Variants in PBX3 observed in about 807,000 individuals in gnomAD.
PBX3 encodes pre-B-cell leukemia transcription factor 3.
Under a neutral mutation model 48.5 loss-of-function variants are expected in PBX3, and 14 were observed. The ratio of observed to expected loss-of-function variants is 0.29; its 90% CI spans 0.19 to 0.45. PBX3 has a LOEUF of 0.45. Among genes scored for constraint, PBX3 ranks in the 20% least tolerant of loss-of-function variants. The pLI, the probability that PBX3 is intolerant of heterozygous loss-of-function variation, is 1.00. For missense variants in PBX3, 386 were observed against 546.7 expected (o/e 0.71, Z 2.93); for synonymous variants, 210 against 200.3 (o/e 1.05, Z -0.41).
At chr9:125,927,571 T>G (rs554904044) in intron 3 of PBX3, among the ~76,000 whole-genome samples, 1 of 152,238 alleles carries the variant, frequency 6.6e-6, no homozygotes, top group South Asian at 2.1e-4. Flanking sequence ...TTTTTCTGTC[T>G]TCTCACTCCA....
At chr9:125,814,545 T>C (rs79682080) in intron 2 of PBX3, among the ~76,000 whole-genome samples, 5,623 of 152,264 alleles carry the variant, frequency 0.037, 366 homozygotes, top group African/African-American at 0.13. Flanking sequence ...CATTAACAGA[T>C]AGATGCAATT....
intron 2 of PBX3, among the ~76,000 whole-genome samples, chr9:125,798,977 A>G (rs190963766): frequency 2.6e-5 from 4 of 152,194 alleles, no homozygotes; most frequent in Admixed American, 2.6e-4. Context: ...TTTTACTCTT[A>G]AGGTTTTATT....
chr9:125,777,010 C>CTTTTTT (rs1299800849), intron 2 of PBX3, among the ~76,000 whole-genome samples: 7 of 94,342 alleles, frequency 7.4e-5, no homozygotes, highest in Admixed American at 4.3e-4. Flanking sequence ...TTTTTCTTTT[C>CTTTTTT]TTTTCTTTTT....
At chr9:125,896,888 A>G (rs776827304) in intron 2 of PBX3, among the ~76,000 whole-genome samples, 16 of 152,012 alleles carry the variant, frequency 1.1e-4, no homozygotes, top group Non-Finnish European at 1.6e-4. Flanking sequence ...ATCCCCAGCT[A>G]TAATTAAATT....
chr9:125,827,556 T>G (rs903334652), intron 2 of PBX3, among the ~76,000 whole-genome samples: 1 of 152,198 alleles, frequency 6.6e-6, no homozygotes, highest in African/African-American at 2.4e-5. Flanking sequence ...TATACACATA[T>G]GTAATACCTA....
chr9:125,930,824 A>G (rs1174132096), intron 4 of PBX3, among the ~76,000 whole-genome samples: 1 of 152,122 alleles, frequency 6.6e-6, no homozygotes, highest in Non-Finnish European at 1.5e-5. Context: ...GTCTGTTTCT[A>G]TAACATCACC....
Position 125,834,532 on chromosome 9 carries a change from G to A in PBX3, c.275-81154G>A, listed in dbSNP as rs564213887. 3.0e-3 allele frequency among the ~76,000 whole-genome samples: 456 copies of A among 151,544 alleles called. 3 individuals are homozygous for A. The highest frequency in any genetic ancestry group is 0.011 in the African/African-American group (441 of 41,348). On this transcript the variant is annotated intron_variant, in intron 2 of 8. Transcript: ENST00000373489. ...CCTGCCTCAGCCTCCCGAGCAGCTG[G>A]GATTACAGGCACCACCACTGCGACC... is the stretch of plus-strand genomic sequence containing the variant.
chr9:125,748,697 G>C, intron 2 of PBX3, 74 bp downstream of exon 2: 1 of 1,091,806 alleles, frequency 9.2e-7, no homozygotes. Flanking sequence ...CGACTCTCCA[G>C]TTGAGAGCTG....
chr9:125,912,193 T>TTA (rs1418849126), intron 2 of PBX3, among the ~76,000 whole-genome samples: 13 of 152,318 alleles, frequency 8.5e-5, no homozygotes, highest in African/African-American at 2.6e-4. Flanking sequence ...ATCTGCTTAT[T>TTA]TATAATTCAA....
intron 2 of PBX3, among the ~76,000 whole-genome samples, chr9:125,767,942 T>C (rs1331854553): frequency 6.6e-6 from 1 of 151,828 alleles, no homozygotes; most frequent in African/African-American, 2.4e-5. Context: ...CAGGTGCTAG[T>C]AGGACTAGAG....
chr9:125,927,152 A>G (rs1841595978), intron 3 of PBX3, among the ~76,000 whole-genome samples: 1 of 152,212 alleles, frequency 6.6e-6, no homozygotes, highest in Admixed American at 6.5e-5. Flanking sequence ...AGGGATAATG[A>G]ATTTATGGCT....
chr9:125,882,699 GTT>G (rs1388109475), intron 2 of PBX3, among the ~76,000 whole-genome samples: 1 of 152,228 alleles, frequency 6.6e-6, no homozygotes, highest in Non-Finnish European at 1.5e-5. Context: ...GATGGTAGAA[GTT>G]ATATATTGAG....
intron 2 of PBX3, among the ~76,000 whole-genome samples, chr9:125,897,170 A>G (rs1019830104): frequency 8.0e-6 from 1 of 124,322 alleles, no homozygotes; most frequent in African/African-American, 3.0e-5. Flanking sequence ...TTTCCTGTGC[A>G]AACATGACAT....
chr9:125,791,693 T>G (rs1837615121), intron 2 of PBX3, among the ~76,000 whole-genome samples: 1 of 151,894 alleles, frequency 6.6e-6, no homozygotes, highest in South Asian at 2.1e-4. Context: ...CCCAGCACTT[T>G]GGGAGGCCAA....
intron 2 of PBX3, among the ~76,000 whole-genome samples, chr9:125,890,058 C>T (rs1230172415): frequency 4.6e-5 from 7 of 152,138 alleles, no homozygotes; most frequent in Non-Finnish European, 8.8e-5. Context: ...AAGTCAGAAC[C>T]TCTCCGTGGT....
intron 5 of PBX3, among the ~76,000 whole-genome samples, chr9:125,954,468 A>C (rs116755542): frequency 1.3e-5 from 2 of 152,172 alleles, no homozygotes; most frequent in Non-Finnish European, 2.9e-5. Flanking sequence ...AGAGAAATGA[A>C]CTAGAAATAC....
chr9:125,876,012 T>C lies in PBX3; in HGVS notation c.275-39674T>C, dbSNP rs544467635. 1.3e-3 allele frequency among the ~76,000 whole-genome samples: 202 copies of C among 152,332 alleles called. 1 individual carries two copies. The highest frequency in any genetic ancestry group is 4.6e-3 in the African/African-American group (191 of 41,576). On this transcript the variant is annotated intron_variant, in intron 2 of 8. Transcript: ENST00000373489. ...GTCCTTGTCAGACTGGTCTACTTTC[T>C]TTCCTTAAGGACAATTCATTTCTGC...
intron 2 of PBX3, chr9:125,843,828 C>T (rs768574712): frequency 8.8e-6 from 4 of 455,534 alleles, no homozygotes; most frequent in African/African-American, 2.0e-5. Context: ...GAATTACAAG[C>T]GAAAGTGCAG....
At chr9:125,851,659 G>A (rs1376167133) in intron 2 of PBX3, among the ~76,000 whole-genome samples, 1 of 152,030 alleles carries the variant, frequency 6.6e-6, no homozygotes, top group African/African-American at 2.4e-5. Context: ...TTTCTTTGCA[G>A]TTTACTGTAG....
Sources: allele counts gnomAD v4.1 joint callset (sites outside exome capture counted in the v4.1 genomes callset), GRCh38; gene constraint gnomAD v4.1.1; transcripts MANE v1.5; gene names NCBI Gene and HGNC (gene_info 2026-07-23, HGNC 2026-07-21).